Variants in ASPRV1 observed in about 807,000 individuals in gnomAD.
The protein encoded by ASPRV1 is aspartic peptidase retroviral like 1, also known as retroviral-like aspartic protease 1.
Under a neutral mutation model 11.0 loss-of-function variants are expected in ASPRV1, and 7 were observed. The ratio of observed to expected loss-of-function variants is 0.64; its 90% CI spans 0.36 to 1.20. The LOEUF is 1.20. ASPRV1 is among the 50% of genes most tolerant of loss of function. ASPRV1 has a pLI of 0.02. For missense variants in ASPRV1, 299 were observed against 320.0 expected (o/e 0.93, Z 0.50); for synonymous variants, 136 against 138.4 (o/e 0.98, Z 0.12).
chr2:69,948,668 A>G, the ASPRV1 span, among the ~76,000 whole-genome samples: 7 of 152,064 alleles, frequency 4.6e-5, no homozygotes, highest in Non-Finnish European at 7.4e-5. Flanking sequence ...TACAGAGTGG[A>G]GCCCTTTGGT....
At position 69,960,862 on chromosome 2, in the gene ASPRV1, T is replaced by A; in HGVS notation, c.575A>T (p.Asn192Ile). The A allele has an allele frequency of 6.2e-7, 1 of 1,614,150 alleles. No homozygotes were observed. Among genetic ancestry groups the A allele is most frequent in the Non-Finnish European group, 8.5e-7 (1 of 1,180,024 alleles). Residue 192 changes from asparagine to isoleucine, a missense_variant, in exon 1 of 1, where the codon AAT (asparagine) becomes ATT (isoleucine). Transcript: ENST00000320256. ...LKLKAQFLVA[N>I]ASAEEAIIGT... ...AATGATGGCTTCCTCGGCACTCGCATTGGCCACTAGGAACTGTGCCTTCAG... is the reference window on the plus strand; with the variant it reads ...AATGATGGCTTCCTCGGCACTCGCAATGGCCACTAGGAACTGTGCCTTCAG...
the ASPRV1 span, among the ~76,000 whole-genome samples, chr2:69,987,350 G>C: frequency 6.6e-6 from 1 of 151,968 alleles, no homozygotes; most frequent in Non-Finnish European, 1.5e-5. Context: ...CAGGATCACA[G>C]GAAACCCACG....
upstream of ASPRV1, among the ~76,000 whole-genome samples, chr2:69,965,167 C>T (rs1185192783): frequency 1.3e-5 from 2 of 152,192 alleles, no homozygotes; most frequent in South Asian, 2.1e-4. Context: ...CCTGCTTCAG[C>T]CTCCTGAGTA....
the ASPRV1 span, among the ~76,000 whole-genome samples, chr2:70,042,726 G>A: frequency 6.6e-5 from 10 of 152,224 alleles, no homozygotes; most frequent in African/African-American, 2.4e-4. Context: ...GAGAGGAAAC[G>A]GTGTAGGATG....
chr2:69,978,192 C>T, the ASPRV1 span, among the ~76,000 whole-genome samples: 2 of 152,166 alleles, frequency 1.3e-5, no homozygotes, highest in Non-Finnish European at 2.9e-5. Context: ...CTGAGAAATG[C>T]TTGCTCCAAC....
the ASPRV1 span, among the ~76,000 whole-genome samples, chr2:69,991,680 TG>T: frequency 6.6e-6 from 1 of 152,078 alleles, no homozygotes; most frequent in African/African-American, 2.4e-5. Flanking sequence ...CCCGAGTAGC[TG>T]GGATTACAGG....
chr2:70,065,390 CA>C, the ASPRV1 span, among the ~76,000 whole-genome samples: 11,262 of 52,864 alleles, frequency 0.21, 468 homozygotes, highest in African/African-American at 0.38. Context: ...GACACCATCT[CA>C]AAAAAAAAAA....
At chr2:69,978,854 C>T in the ASPRV1 span, among the ~76,000 whole-genome samples, 10 of 152,196 alleles carry the variant, frequency 6.6e-5, no homozygotes, top group East Asian at 3.9e-4. Flanking sequence ...AGAGGCCACA[C>T]GGCAGGTCTG....
At chr2:70,011,107 G>A in the ASPRV1 span, among the ~76,000 whole-genome samples, 619 of 152,234 alleles carry the variant, frequency 4.1e-3, 2 homozygotes, top group African/African-American at 0.014. Flanking sequence ...ACCTCCTTGA[G>A]GGTGGAGGGT....
At chr2:70,067,423 G>A in the ASPRV1 span, among the ~76,000 whole-genome samples, 1 of 152,182 alleles carries the variant, frequency 6.6e-6, no homozygotes, top group Admixed American at 6.5e-5. Flanking sequence ...AATCATCCAC[G>A]TGTAGATGGT....
At chr2:70,058,125 C>T in the ASPRV1 span, among the ~76,000 whole-genome samples, 1 of 152,160 alleles carries the variant, frequency 6.6e-6, no homozygotes, top group East Asian at 1.9e-4. Context: ...TTTATCAGTA[C>T]CACAAGGAAT....
chr2:70,064,967 C>T, the ASPRV1 span, among the ~76,000 whole-genome samples: 1 of 152,118 alleles, frequency 6.6e-6, no homozygotes, highest in East Asian at 1.9e-4. Context: ...TGGTGGCACA[C>T]GTCTCTAATC....
At chr2:69,972,356 C>T in the ASPRV1 span, among the ~76,000 whole-genome samples, 15 of 148,298 alleles carry the variant, frequency 1.0e-4, no homozygotes, top group African/African-American at 3.7e-4. Flanking sequence ...CCACCGTGCC[C>T]GGCCCTTTTT....
At chr2:69,965,127 A>G (rs1678292944), upstream of ASPRV1, among the ~76,000 whole-genome samples, 1 of 152,186 alleles carries the variant, frequency 6.6e-6, no homozygotes, top group Admixed American at 6.5e-5. Flanking sequence ...GGCTCACTGC[A>G]ACCTCTGCCT....
chr2:70,079,367 C>T, the ASPRV1 span, among the ~76,000 whole-genome samples: 1 of 151,936 alleles, frequency 6.6e-6, no homozygotes, highest in East Asian at 1.9e-4. Context: ...GTACTAGCCA[C>T]TGAGGAGGGG....
chr2:70,038,419 C>CA, the ASPRV1 span, among the ~76,000 whole-genome samples: 17 of 151,662 alleles, frequency 1.1e-4, 1 homozygote, highest in East Asian at 2.5e-3. Context: ...CACTAAAAGA[C>CA]AAAAAAAATA....
chr2:70,026,737 G>C, the ASPRV1 span, among the ~76,000 whole-genome samples: 1 of 152,088 alleles, frequency 6.6e-6, no homozygotes, highest in Non-Finnish European at 1.5e-5. Flanking sequence ...CATGCTCATA[G>C]ATTGGAAAAA....
At chr2:69,934,433 C>T in the ASPRV1 span, among the ~76,000 whole-genome samples, 10 of 152,180 alleles carry the variant, frequency 6.6e-5, no homozygotes, top group African/African-American at 1.4e-4. Flanking sequence ...AGTCAGTTGC[C>T]GTGGCTGCTG....
the ASPRV1 span, among the ~76,000 whole-genome samples, chr2:70,023,434 T>C: frequency 5.5e-3 from 844 of 152,262 alleles, 7 homozygotes; most frequent in Middle Eastern, 0.02. Context: ...GTTCCCTCCA[T>C]TGGGCACTCT....
Sources: gnomAD v4.1 joint callset for allele counts (sites outside exome capture counted in the v4.1 genomes callset) on GRCh38, gnomAD v4.1.1 for gene constraint, MANE v1.5 for transcripts, NCBI Gene and HGNC (gene_info 2026-07-23, HGNC 2026-07-21) for gene names.